Variants in SEZ6L observed in about 807,000 individuals in gnomAD.
SEZ6L encodes seizure related 6 homolog like.
In SEZ6L, 37 loss-of-function variants were observed where a neutral mutation model predicts 106.2. That is an observed-to-expected ratio of 0.35 (90% CI 0.27 to 0.46). The LOEUF is 0.46. Ranked by LOEUF, SEZ6L falls within the 20% of genes least tolerant of loss-of-function variation. The probability of loss-of-function intolerance (pLI) is 1.00; values close to 1 mark genes in which losing one functional copy is unlikely to be tolerated. For synonymous variants in SEZ6L, 541 were observed against 570.4 expected, an observed-to-expected ratio of 0.95 and a Z score of 0.73; for missense variants, 1,172 against 1,332.8, an observed-to-expected ratio of 0.88 and a Z score of 1.88.
intron 1 of SEZ6L, among the ~76,000 whole-genome samples, chr22:26,282,629 A>G (rs1465307170): frequency 1.3e-5 from 2 of 152,196 alleles, no homozygotes; most frequent in African/African-American, 4.8e-5. Flanking sequence ...AACCGTAGGC[A>G]CAGCTTCAGG....
chr22:26,312,286 T>C (rs5997067), intron 8 of SEZ6L, among the ~76,000 whole-genome samples: 36,617 of 152,238 alleles, frequency 0.24, 5,322 homozygotes, highest in African/African-American at 0.41. Flanking sequence ...ACCCACGCAA[T>C]AACCTCATTA....
Position 26,169,587 on chromosome 22 carries a change from T to A in SEZ6L, c.-83T>A, listed in dbSNP as rs1469969608. 1.4e-5 allele frequency: 7 copies of A among 483,980 alleles called. No individual in the cohort carries two copies. Among genetic ancestry groups the A allele is most frequent in the Non-Finnish European group, 2.4e-5 (7 of 294,856 alleles). 30.0% of individuals were successfully genotyped at this position (483,980 alleles called of 1,614,324 possible). A position where few individuals can be genotyped will look rare whatever the true frequency, so the allele number is the denominator to read the frequency against. The stretch of plus-strand genomic sequence containing the variant: ...CTCCCTCGCTCCCGCTTCCCCTTTC[T>A]CGCTCACCGCCGCCCTCCTTCCCCA... On this transcript the variant is annotated 5_prime_UTR_variant, in exon 1 of 17. Transcript: ENST00000248933.
intron 13 of SEZ6L, among the ~76,000 whole-genome samples, chr22:26,370,262 G>A (rs943392978): frequency 6.6e-6 from 1 of 152,020 alleles, no homozygotes; most frequent in African/African-American, 2.4e-5. Flanking sequence ...GCGGGCGCCT[G>A]TAGTCCCAGC....
At chr22:26,207,565 A>G (rs1232918906) in intron 1 of SEZ6L, among the ~76,000 whole-genome samples, 1 of 151,894 alleles carries the variant, frequency 6.6e-6, no homozygotes, top group African/African-American at 2.4e-5. Flanking sequence ...CCATCTTAGT[A>G]TTTTTTTCTA....
At chr22:26,227,963 G>T (rs1198853954) in intron 1 of SEZ6L, among the ~76,000 whole-genome samples, 4 of 152,232 alleles carry the variant, frequency 2.6e-5, no homozygotes, top group Non-Finnish European at 5.9e-5. Flanking sequence ...AGCCCCGCGA[G>T]AGTGGAGGAA....
At chr22:26,313,584 ACACACACACACACACACACG>A (rs1341040513) in intron 8 of SEZ6L, among the ~76,000 whole-genome samples, 160 bp from the exon 9 acceptor site, 233 of 79,116 alleles carry the variant, frequency 2.9e-3, no homozygotes, top group Non-Finnish European at 4.0e-3. Flanking sequence ...ACACACACAC[ACACACACACACACACACACG>A]CACACACACA....
chr22:26,367,779 T>C (rs2083871475), intron 13 of SEZ6L, among the ~76,000 whole-genome samples: 1 of 152,202 alleles, frequency 6.6e-6, no homozygotes, highest in Admixed American at 6.5e-5. Flanking sequence ...CCTGGCGTTC[T>C]GCAAACCCTA....
intron 1 of SEZ6L, among the ~76,000 whole-genome samples, chr22:26,266,034 G>A (rs2080165913): frequency 6.6e-6 from 1 of 152,164 alleles, no homozygotes; most frequent in African/African-American, 2.4e-5. Flanking sequence ...TCATGGACAT[G>A]AGCTGTGTGC....
At chr22:26,377,838 T>A in intron 16 of SEZ6L, 63 bp downstream of exon 16, 1 of 1,231,928 alleles carries the variant, frequency 8.1e-7, no homozygotes, top group Non-Finnish European at 1.2e-6. Context: ...TCACCAACAA[T>A]AAGACAAAAC....
chr22:26,306,185 A>G lies in SEZ6L; in HGVS notation c.1514+41A>G, dbSNP rs528036451. 82 of 1,599,676 alleles carry G rather than the reference A, an allele frequency of 5.1e-5. 1 individual carries two copies. In the East Asian group the frequency reaches 1.4e-3, roughly 28 times the overall value. On this transcript the variant is annotated intron_variant, in intron 6 of 16. Transcript: ENST00000248933. ...TCCACACCCAACCCCGTTTCTTCCCAGAATATTAGAACATGGCTTGAGGAC... is the reference window on the plus strand; with the variant it reads ...TCCACACCCAACCCCGTTTCTTCCCGGAATATTAGAACATGGCTTGAGGAC...
intron 1 of SEZ6L, among the ~76,000 whole-genome samples, chr22:26,229,045 T>C (rs1164408938): frequency 6.6e-6 from 1 of 152,212 alleles, no homozygotes; most frequent in Non-Finnish European, 1.5e-5. Context: ...GTCACTAGGC[T>C]GGACCGTGTG....
At chr22:26,343,736 G>A (rs950347137) in intron 10 of SEZ6L, among the ~76,000 whole-genome samples, 4 of 152,178 alleles carry the variant, frequency 2.6e-5, no homozygotes, top group African/African-American at 9.7e-5. Context: ...TGCAGAGAAT[G>A]TTTTTCAGGG....
chr22:26,233,736 A>G (rs1319598465), intron 1 of SEZ6L, among the ~76,000 whole-genome samples: 1 of 152,188 alleles, frequency 6.6e-6, no homozygotes, highest in Non-Finnish European at 1.5e-5. Flanking sequence ...CCCACAAATA[A>G]GCAAGGTAAT....
intron 6 of SEZ6L, among the ~76,000 whole-genome samples, chr22:26,307,426 G>T (rs1297581920): frequency 2.6e-5 from 4 of 151,600 alleles, no homozygotes; most frequent in East Asian, 1.9e-4. Flanking sequence ...TAATGTTTTG[G>T]CTTCTTTGAT....
intron 9 of SEZ6L, among the ~76,000 whole-genome samples, chr22:26,327,605 A>G (rs958270549): frequency 1.4e-5 from 2 of 144,954 alleles, no homozygotes; most frequent in Non-Finnish European, 3.0e-5. Flanking sequence ...CACACATGCC[A>G]CACACACCAC....
intron 16 of SEZ6L, among the ~76,000 whole-genome samples, chr22:26,379,327 A>G (rs909627045): frequency 6.7e-6 from 1 of 149,512 alleles, no homozygotes; most frequent in Non-Finnish European, 1.5e-5. Flanking sequence ...ACATCCTAGC[A>G]CCTGTGTATT....
Position 26,296,919 on chromosome 22 carries a change from T to G in SEZ6L, c.1001T>G (p.Leu334Arg). 6.2e-7 allele frequency: 1 copy of G among 1,612,446 alleles called. No homozygotes were observed. Among genetic ancestry groups the G allele is most frequent in the Non-Finnish European group, 8.5e-7 (1 of 1,179,146 alleles). Residue 334 changes from leucine to arginine, a missense_variant, in exon 4 of 17, where the codon CTG becomes CGG. By Grantham distance (102) the Leu-to-Arg change is moderately radical (BLOSUM62 -2). Around this residue, in one of 4 missense-constraint regions of SEZ6L, gnomAD observed 494 missense variants for 445.8 expected, o/e 1.11. Coordinates refer to ENST00000248933, the MANE Select transcript of SEZ6L (RefSeq NM_021115.5). ...VKSVNLSDGE[L>R]LSIRGVDGPT... ...AGTGTGAACCTGTCCGATGGGGAAC[T>G]GCTCTCCATCCGCGGGGTGGACGGC...
chr22:26,335,623 G>A (rs1439216964), intron 9 of SEZ6L, among the ~76,000 whole-genome samples: 2 of 152,158 alleles, frequency 1.3e-5, no homozygotes, highest in Non-Finnish European at 2.9e-5. Flanking sequence ...TCAGTAGGAA[G>A]CCACTTTTAA....
intron 1 of SEZ6L, among the ~76,000 whole-genome samples, chr22:26,215,950 G>A (rs1054044354): frequency 2.0e-5 from 3 of 152,298 alleles, no homozygotes; most frequent in African/African-American, 2.4e-5. Flanking sequence ...CCAGCTTCTC[G>A]CTGACAGAAG....
Sources: gnomAD v4.1 joint callset for allele counts (sites outside exome capture counted in the v4.1 genomes callset) on GRCh38, gnomAD v4.1.1 for gene constraint, gnomAD v4.1.1 regional missense constraint, MANE v1.5 for transcripts, NCBI Gene and HGNC (gene_info 2026-07-23, HGNC 2026-07-21) for gene names.